ST6GAL1: variants seen among roughly 807,000 people sequenced by gnomAD.
ST6GAL1 encodes ST6 beta-galactoside alpha-2,6-sialyltransferase 1.
In ST6GAL1, 20 loss-of-function variants were observed where a neutral mutation model predicts 38.0. The observed-to-expected ratio is 0.53, with a 90% CI of 0.37 to 0.77. The LOEUF is 0.77. Among genes scored for constraint, ST6GAL1 ranks in the 30% least tolerant of loss-of-function variants. The probability of loss-of-function intolerance (pLI) is 0.00; values close to 1 mark genes in which losing one functional copy is unlikely to be tolerated. For synonymous variants in ST6GAL1, 196 were observed against 188.2 expected (o/e 1.04, Z -0.34); for missense variants, 432 against 496.4 (o/e 0.87, Z 1.23).
chr3:186,999,577 A>G (rs914236233), intron 2 of ST6GAL1, among the ~76,000 whole-genome samples: 2 of 151,636 alleles, frequency 1.3e-5, no homozygotes, highest in African/African-American at 4.9e-5. Flanking sequence ...GCGCCTGGCT[A>G]ATTTTGTATT....
At chr3:187,022,748 A>G (rs1717375130) in intron 2 of ST6GAL1, among the ~76,000 whole-genome samples, 1 of 152,334 alleles carries the variant, frequency 6.6e-6, no homozygotes, top group Non-Finnish European at 1.5e-5. Context: ...ATGTCAAAGA[A>G]ATGTATTTTG....
intron 4 of ST6GAL1, among the ~76,000 whole-genome samples, chr3:187,048,497 C>T (rs1051885348): frequency 6.6e-6 from 1 of 152,144 alleles, no homozygotes; most frequent in Non-Finnish European, 1.5e-5. Context: ...TGAATCATCA[C>T]TCTATGAAGG....
At chr3:186,951,458 A>C (rs1714575917) in intron 1 of ST6GAL1, among the ~76,000 whole-genome samples, 1 of 152,150 alleles carries the variant, frequency 6.6e-6, no homozygotes, top group East Asian at 1.9e-4. Flanking sequence ...CATTAGTGTT[A>C]CTGGTGGGAA....
intron 5 of ST6GAL1, among the ~76,000 whole-genome samples, chr3:187,057,343 G>C (rs1447635281): frequency 6.6e-6 from 1 of 152,168 alleles, no homozygotes; most frequent in Non-Finnish European, 1.5e-5. Context: ...GCTTTGTTCT[G>C]TTGCTGGCGA....
intron 1 of ST6GAL1, among the ~76,000 whole-genome samples, chr3:186,939,854 G>A (rs1714103240): frequency 6.6e-6 from 1 of 152,106 alleles, no homozygotes; most frequent in African/African-American, 2.4e-5. Context: ...CTGCTTTATG[G>A]ATGAGGATGG....
intron 1 of ST6GAL1, among the ~76,000 whole-genome samples, chr3:186,958,338 TTAGTGTTGACTTAA>T (rs1241322414): frequency 1.3e-5 from 2 of 152,298 alleles, no homozygotes; most frequent in African/African-American, 4.8e-5. Context: ...AATATAGCTA[TTAGTGTTGACTTAA>T]TAAAAAATGG....
intron 5 of ST6GAL1, among the ~76,000 whole-genome samples, chr3:187,058,110 G>T (rs1718779767): frequency 6.6e-6 from 1 of 152,256 alleles, no homozygotes; most frequent in African/African-American, 2.4e-5. Flanking sequence ...CCAGGCACAG[G>T]ATATAATCTC....
intron 2 of ST6GAL1, among the ~76,000 whole-genome samples, chr3:186,986,121 C>A (rs2108541452): frequency 6.6e-6 from 1 of 152,230 alleles, no homozygotes; most frequent in South Asian, 2.1e-4. Flanking sequence ...AGTCAAGAGA[C>A]CCCGCCATAA....
At chr3:186,980,601 T>G (rs1157955955) in intron 2 of ST6GAL1, among the ~76,000 whole-genome samples, 1 of 53,554 alleles carries the variant, frequency 1.9e-5, no homozygotes, top group East Asian at 4.2e-4. Context: ...CTACTAAAAT[T>G]ACAAAAAAAA....
At chr3:187,008,530 A>G (rs1219963895) in intron 2 of ST6GAL1, among the ~76,000 whole-genome samples, 1 of 152,204 alleles carries the variant, frequency 6.6e-6, no homozygotes, top group East Asian at 1.9e-4. Flanking sequence ...CAGAAAAAAT[A>G]TTCTTTGGGA....
At chr3:186,994,271 C>T (rs1011360354) in intron 2 of ST6GAL1, among the ~76,000 whole-genome samples, 1 of 152,242 alleles carries the variant, frequency 6.6e-6, no homozygotes, top group South Asian at 2.1e-4. Context: ...AATTCGAGTT[C>T]TCTCAGTCTC....
intron 2 of ST6GAL1, among the ~76,000 whole-genome samples, chr3:186,979,817 A>T (rs1715634670): frequency 6.6e-6 from 1 of 152,152 alleles, no homozygotes; most frequent in African/African-American, 2.4e-5. Context: ...ATGAGTTTAA[A>T]TCCTGGTCTC....
At chr3:187,073,081 C>A in intron 6 of ST6GAL1, 134 bp downstream of exon 6, 1 of 650,082 alleles carries the variant, frequency 1.5e-6, no homozygotes, top group Non-Finnish European at 2.7e-6. Flanking sequence ...TTAGGGTACC[C>A]CATTTCATCT....
intron 1 of ST6GAL1, among the ~76,000 whole-genome samples, chr3:186,938,092 A>G (rs1014395981): frequency 3.3e-5 from 5 of 152,072 alleles, no homozygotes; most frequent in Non-Finnish European, 7.4e-5. Flanking sequence ...GAAATGAAAT[A>G]AAATAAAATA....
chr3:186,990,355 A>T (rs143578605), intron 2 of ST6GAL1, among the ~76,000 whole-genome samples: 1 of 152,176 alleles, frequency 6.6e-6, no homozygotes, highest in African/African-American at 2.4e-5. Context: ...ATCTCTATCT[A>T]TTGAATGCAG....
At chr3:187,064,581 C>T (rs1284207561) in intron 5 of ST6GAL1, 1 of 456,618 alleles carries the variant, frequency 2.2e-6, no homozygotes, top group Non-Finnish European at 4.4e-6. Flanking sequence ...GGATACACTA[C>T]CCACCCTCAA....
rs374148828 is a variant in ST6GAL1, at chr3:187,048,880, ATTTTTTTTTTTTT to A, written c.608-2353_608-2341del. Among the ~76,000 whole-genome samples the A allele has an allele frequency of 1.7e-3, 193 of 115,456 alleles. 2 individuals are homozygous for A. Among genetic ancestry groups the A allele is most frequent in the African/African-American group, 5.7e-3 (152 of 26,588 alleles). 75.7% of individuals were successfully genotyped at this position (115,456 alleles called of 152,430 possible). A position where few individuals can be genotyped will look rare whatever the true frequency, so the allele number is the denominator to read the frequency against. On this transcript the variant is annotated intron_variant, in intron 4 of 7. Coordinates refer to ENST00000169298, the MANE Select transcript of ST6GAL1 (RefSeq NM_173216.2). ...TCTGGCTCTGTCCCTGAGAAATTGA[ATTTTTTTTTTTTT>A]TTTTTTTTTTTTTTTGAGAATGAGT... is the stretch of plus-strand genomic sequence containing the variant.
intron 1 of ST6GAL1, among the ~76,000 whole-genome samples, chr3:186,933,420 C>A (rs1713830543): frequency 6.6e-6 from 1 of 152,156 alleles, no homozygotes; most frequent in Non-Finnish European, 1.5e-5. Flanking sequence ...TCCTCATTAT[C>A]CTTTGGTGTG....
intron 2 of ST6GAL1, among the ~76,000 whole-genome samples, chr3:187,008,052 T>G (rs564083154): frequency 6.6e-6 from 1 of 152,298 alleles, no homozygotes; most frequent in Admixed American, 6.5e-5. Context: ...AGGCTGAAAC[T>G]TCTTGGTATT....
Sources: allele counts gnomAD v4.1 joint callset (sites outside exome capture counted in the v4.1 genomes callset), GRCh38; gene constraint gnomAD v4.1.1; transcripts MANE v1.5; gene names NCBI Gene and HGNC (gene_info 2026-07-23, HGNC 2026-07-21).